Variants in PLXDC2 observed in about 807,000 individuals in gnomAD.
The protein encoded by PLXDC2 is plexin domain-containing protein 2.
Under a neutral mutation model 68.9 loss-of-function variants are expected in PLXDC2, and 40 were observed. The ratio of observed to expected loss-of-function variants is 0.58; its 90% confidence interval spans 0.45 to 0.76. PLXDC2 has a LOEUF of 0.76. Ranked by LOEUF, PLXDC2 falls within the 30% of genes least tolerant of loss-of-function variation. The pLI is 0.00. For synonymous variants in PLXDC2, 243 were observed against 234.2 expected, an observed-to-expected ratio of 1.04 and a Z score of -0.34; for missense variants, 644 against 661.9, an observed-to-expected ratio of 0.97 and a Z score of 0.30.
intron 4 of PLXDC2, among the ~76,000 whole-genome samples, chr10:20,077,164 C>T (rs1186768307): frequency 6.6e-6 from 1 of 152,024 alleles, no homozygotes; most frequent in Admixed American, 6.6e-5. Context: ...GCCTTTTAGC[C>T]TTGAGTTTTA....
Position 19,817,084 on chromosome 10 carries a change from C to A in PLXDC2, c.5C>A (p.Ala2Glu), listed in dbSNP as rs538990155. The change falls in exon 1 of 14, where the codon GCG becomes GAG. Residue 2 changes from alanine to glutamate, a missense_variant. By Grantham distance (107) the Ala-to-Glu change is moderately radical (BLOSUM62 -1). Coordinates refer to ENST00000377252, the MANE Select transcript of PLXDC2 (RefSeq NM_032812.9). M[A>E]RFPKADLAAA... Reference sequence around the variant, plus strand: ...TAGGGAGGTGGCGGCGGCGGCATGGCGAGGTTCCCGAAGGCCGACCTGGCC... The same window carrying A: ...TAGGGAGGTGGCGGCGGCGGCATGGAGAGGTTCCCGAAGGCCGACCTGGCC... The A allele has an allele frequency of 2.3e-5, 36 of 1,549,604 alleles. No homozygotes were observed. The highest frequency in any genetic ancestry group is 3.0e-5 in the Non-Finnish European group (34 of 1,147,060).
chr10:19,989,303 G>A (rs972455903), intron 1 of PLXDC2, among the ~76,000 whole-genome samples: 3 of 152,210 alleles, frequency 2.0e-5, no homozygotes, highest in African/African-American at 7.2e-5. Flanking sequence ...GATACAGGCT[G>A]AGTGCATTAG....
chr10:20,120,922 A>T (rs1330092852), intron 4 of PLXDC2, among the ~76,000 whole-genome samples: 1 of 152,180 alleles, frequency 6.6e-6, no homozygotes, highest in South Asian at 2.1e-4. Context: ...GCCATCAATA[A>T]ATCAAGCATG....
chr10:20,005,422 C>T (rs771075382), intron 2 of PLXDC2, among the ~76,000 whole-genome samples: 7 of 152,188 alleles, frequency 4.6e-5, no homozygotes, highest in South Asian at 4.1e-4. Flanking sequence ...CCACTAGTTG[C>T]GGAAACAAAA....
At chr10:19,961,163 A>G (rs1251247376) in intron 1 of PLXDC2, among the ~76,000 whole-genome samples, 2 of 152,218 alleles carry the variant, frequency 1.3e-5, no homozygotes, top group African/African-American at 2.4e-5. Flanking sequence ...CAAATGAAAT[A>G]ATTATTGCAT....
At chr10:19,987,618 G>C (rs1439209021) in intron 1 of PLXDC2, among the ~76,000 whole-genome samples, 1 of 151,694 alleles carries the variant, frequency 6.6e-6, no homozygotes, top group African/African-American at 2.4e-5. Context: ...CTGGAGTGCA[G>C]TGGCGCGATC....
intron 1 of PLXDC2, among the ~76,000 whole-genome samples, chr10:19,884,316 T>C (rs1837798450): frequency 6.6e-6 from 1 of 152,194 alleles, no homozygotes; most frequent in South Asian, 2.1e-4. Context: ...CCCAAGAACT[T>C]CTTTAAAAAT....
intron 2 of PLXDC2, among the ~76,000 whole-genome samples, chr10:20,011,143 T>C (rs1275234991): frequency 6.6e-6 from 1 of 152,160 alleles, no homozygotes; most frequent in Non-Finnish European, 1.5e-5. Flanking sequence ...ATTGTTTTGG[T>C]AGTTCAGAAT....
chr10:19,854,079 G>A (rs769492357), intron 1 of PLXDC2, among the ~76,000 whole-genome samples: 7 of 152,224 alleles, frequency 4.6e-5, no homozygotes, highest in Middle Eastern at 3.4e-3. Flanking sequence ...TGCATTTACC[G>A]TAGTGACAGG....
At chr10:19,830,144 A>G (rs777426315) in intron 1 of PLXDC2, among the ~76,000 whole-genome samples, 1 of 152,248 alleles carries the variant, frequency 6.6e-6, no homozygotes, top group South Asian at 2.1e-4. Flanking sequence ...TGAAATTTGC[A>G]TAAATAGCTT....
intron 1 of PLXDC2, among the ~76,000 whole-genome samples, chr10:19,824,411 A>T (rs1442979296): frequency 3.3e-5 from 5 of 152,192 alleles, no homozygotes; most frequent in African/African-American, 1.2e-4. Context: ...GAGATGGGAA[A>T]AAAGCAAATA....
intron 1 of PLXDC2, among the ~76,000 whole-genome samples, chr10:19,951,850 A>G (rs1833997250): frequency 6.6e-6 from 1 of 152,236 alleles, no homozygotes; most frequent in Non-Finnish European, 1.5e-5. Context: ...TTGCAGCAAC[A>G]TGGATGCAGC....
At chr10:20,144,249 C>T (rs192619926) in intron 5 of PLXDC2, among the ~76,000 whole-genome samples, 66 of 152,146 alleles carry the variant, frequency 4.3e-4, no homozygotes, top group Admixed American at 3.3e-4. Flanking sequence ...ATAATACAAG[C>T]ATTTGGGGTG....
At chr10:19,902,184 AT>A (rs56171519) in intron 1 of PLXDC2, among the ~76,000 whole-genome samples, 24 of 151,144 alleles carry the variant, frequency 1.6e-4, no homozygotes, top group African/African-American at 3.9e-4. Context: ...GAATTTTAGG[AT>A]TTTTTTTTCT....
rs1347828681 is a variant in PLXDC2, at chr10:20,270,796, A to G, written c.1474-8907A>G. Among the ~76,000 whole-genome samples the G allele has an allele frequency of 2.0e-5, 3 of 152,244 alleles. No individual in the cohort carries two copies. The East Asian group carries it at 5.8e-4, about 30-fold the overall frequency. On this transcript the variant is annotated intron_variant, in intron 13 of 13. Coordinates refer to ENST00000377252, the MANE Select transcript of PLXDC2 (RefSeq NM_032812.9). ...CTCAGCCTCCCAAAGTGCTGGAATT[A>G]CAGGTGTGAGCCATCGTGCCCTGCC...
At chr10:19,970,513 A>G (rs1431105544) in intron 1 of PLXDC2, among the ~76,000 whole-genome samples, 1 of 152,114 alleles carries the variant, frequency 6.6e-6, no homozygotes, top group Non-Finnish European at 1.5e-5. Flanking sequence ...TACACACATC[A>G]CCCTTCAGAT....
rs146204457 is a variant in PLXDC2 at position 20,212,670 on chromosome 10, T to C, written c.1122+941T>C. Among the ~76,000 whole-genome samples, 490 of 152,316 alleles carry C rather than the reference T, an allele frequency of 3.2e-3. 1 individual carries two copies. Among genetic ancestry groups the C allele is most frequent in the African/African-American group, 0.011 (467 of 41,578 alleles). ...TTAGAGACTTTTTAAAAATTCATTT[T>C]TGGGGGGCATGTTTCATAAAGATCT... On this transcript the variant is annotated intron_variant, in intron 10 of 13. Transcript: ENST00000377252.
At chr10:19,979,159 T>C (rs10827914) in intron 1 of PLXDC2, among the ~76,000 whole-genome samples, 38,608 of 152,022 alleles carry the variant, frequency 0.25, 5,001 homozygotes, top group East Asian at 0.39. Context: ...TGGGACCTTT[T>C]TCTCCCACTT....
intron 1 of PLXDC2, among the ~76,000 whole-genome samples, chr10:19,895,026 C>A (rs1248730165): frequency 1.3e-5 from 2 of 152,112 alleles, no homozygotes; most frequent in Non-Finnish European, 2.9e-5. Context: ...TGGAACCAAC[C>A]CAAATGCCCA....
Sources: gnomAD v4.1 joint callset for allele counts (sites outside exome capture counted in the v4.1 genomes callset) on GRCh38, gnomAD v4.1.1 for gene constraint, MANE v1.5 for transcripts, NCBI Gene and HGNC (gene_info 2026-07-23, HGNC 2026-07-21) for gene names.